IQSEC1: variants seen among roughly 807,000 people sequenced by gnomAD.
The protein encoded by IQSEC1 is IQ motif and SEC7 domain-containing protein 1.
In IQSEC1, 31 loss-of-function variants were observed where a neutral mutation model predicts 91.0. The observed-to-expected ratio is 0.34, with a 90% CI of 0.26 to 0.46. The LOEUF is 0.46. IQSEC1 is among the 20% of genes least tolerant of loss of function. The pLI is 1.00. For synonymous variants in IQSEC1, 699 were observed against 662.6 expected, an observed-to-expected ratio of 1.05 and a Z score of -0.84; for missense variants, 1,388 against 1,575.6, an observed-to-expected ratio of 0.88 and a Z score of 2.02.
At chr3:13,111,383 C>T (rs999937704) in intron 2 of IQSEC1, among the ~76,000 whole-genome samples, 5 of 152,198 alleles carry the variant, frequency 3.3e-5, no homozygotes, top group South Asian at 2.1e-4. Flanking sequence ...TGACAGCCTC[C>T]TGACCCCACC....
At chr3:13,271,875 T>C (rs1006103249) in intron 1 of IQSEC1, among the ~76,000 whole-genome samples, 3 of 152,130 alleles carry the variant, frequency 2.0e-5, no homozygotes, top group Non-Finnish European at 2.9e-5. Context: ...CTTTCAATAA[T>C]AAACAGAGCA....
intron 1 of IQSEC1, among the ~76,000 whole-genome samples, chr3:12,998,530 AATCC>A (rs1157255772): frequency 1.3e-5 from 2 of 152,140 alleles, no homozygotes; most frequent in African/African-American, 4.8e-5. Flanking sequence ...TCTTACCTGT[AATCC>A]CAGCTGCTCA....
At chr3:13,201,613 G>T (rs572243105) in intron 1 of IQSEC1, among the ~76,000 whole-genome samples, 1 of 152,134 alleles carries the variant, frequency 6.6e-6, no homozygotes, top group Non-Finnish European at 1.5e-5. Context: ...CAAAGTGCTG[G>T]GATTATGGGC....
intron 1 of IQSEC1, among the ~76,000 whole-genome samples, chr3:13,057,214 C>T (rs1704910001): frequency 6.6e-6 from 1 of 152,236 alleles, no homozygotes; most frequent in Non-Finnish European, 1.5e-5. Flanking sequence ...TCAGGCACAG[C>T]TCCCCGTGTG....
intron 1 of IQSEC1, among the ~76,000 whole-genome samples, chr3:13,215,835 C>T (rs554476990): frequency 1.1e-4 from 17 of 152,342 alleles, no homozygotes; most frequent in African/African-American, 3.6e-4. Flanking sequence ...GTTTCTCAAA[C>T]GTCTCCTGTT....
chr3:13,183,174 T>TAAATAAAC (rs373008882), intron 1 of IQSEC1, among the ~76,000 whole-genome samples: 93 of 143,696 alleles, frequency 6.5e-4, no homozygotes, highest in African/African-American at 1.6e-3. Flanking sequence ...CACCAATAAA[T>TAAATAAAC]AAACAAACAA....
At chr3:13,128,485 C>A (rs1213370949) in intron 2 of IQSEC1, among the ~76,000 whole-genome samples, 1 of 152,154 alleles carries the variant, frequency 6.6e-6, no homozygotes, top group African/African-American at 2.4e-5. Flanking sequence ...ACTGAACTAG[C>A]CTTGCATGTC....
intron 1 of IQSEC1, among the ~76,000 whole-genome samples, chr3:13,198,970 G>A (rs1451418186): frequency 7.2e-5 from 11 of 152,224 alleles, no homozygotes; most frequent in East Asian, 1.9e-4. Flanking sequence ...GCTGCCGGGC[G>A]AGTGTTTAGC....
chr3:13,059,237 G>A (rs1173794045), intron 1 of IQSEC1, among the ~76,000 whole-genome samples: 1 of 152,116 alleles, frequency 6.6e-6, no homozygotes, highest in Non-Finnish European at 1.5e-5. Flanking sequence ...TCTCGGCAAT[G>A]GCGCTGCCAC....
chr3:12,995,214 G>A (rs1702183739), intron 1 of IQSEC1: 1 of 152,286 alleles, frequency 6.6e-6, no homozygotes, highest in African/African-American at 2.4e-5. Flanking sequence ...GAAGCTGAGC[G>A]AGTGATGTCA....
At chr3:12,910,136 G>A (rs1695427043) in intron 10 of IQSEC1, among the ~76,000 whole-genome samples, 1 of 152,242 alleles carries the variant, frequency 6.6e-6, no homozygotes, top group Admixed American at 6.5e-5. Context: ...TTTTCAGAGA[G>A]GCCCAAAATA....
chr3:13,180,548 AGCCAGCAGTG>A (rs574442895), intron 1 of IQSEC1, among the ~76,000 whole-genome samples: 8 of 152,244 alleles, frequency 5.3e-5, no homozygotes, highest in African/African-American at 1.9e-4. Flanking sequence ...AGGCTGCCCG[AGCCAGCAGTG>A]GCAACCCGCT....
Position 13,073,128 on chromosome 3 carries a change from C to T in IQSEC1, c.-114G>A. The T allele has an allele frequency of 3.1e-6, 4 of 1,286,552 alleles. No individual in the cohort carries two copies. The highest frequency in any genetic ancestry group is 4.4e-6 in the Non-Finnish European group (4 of 916,974). 79.7% of individuals were successfully genotyped at this position (1,286,552 alleles called of 1,614,324 possible). On this transcript the variant is annotated 5_prime_UTR_variant, in exon 1 of 14. Transcript: ENST00000613206. The stretch of plus-strand genomic sequence containing the variant: ...GAAGTGGAGGGGAATAAAATTAAAT[C>T]GCGGGGCGAGTCACATTCCCGGGGG...
intron 1 of IQSEC1, among the ~76,000 whole-genome samples, chr3:13,038,030 CT>C (rs1447560419): frequency 1.3e-5 from 2 of 151,806 alleles, no homozygotes; most frequent in African/African-American, 4.8e-5. Context: ...ACAAGTAAAA[CT>C]TTTAAAAAAG....
chr3:13,121,643 C>T (rs1706424910), intron 2 of IQSEC1, among the ~76,000 whole-genome samples: 1 of 152,218 alleles, frequency 6.6e-6, no homozygotes, highest in African/African-American at 2.4e-5. Context: ...CCTCGGGCAG[C>T]CAGGACCAAG....
Position 12,979,709 on chromosome 3 carries a change from G to A in IQSEC1, c.24-37844C>T, listed in dbSNP as rs1237168524. 6.6e-6 allele frequency among the ~76,000 whole-genome samples: 1 copy of A among 152,106 alleles called. No individual in the cohort carries two copies. Among genetic ancestry groups the A allele is most frequent in the Non-Finnish European group, 1.5e-5 (1 of 68,024 alleles). On this transcript the variant is annotated intron_variant, in intron 1 of 13. Transcript: ENST00000613206. The surrounding 1 kb of genome is among the most constrained non-coding windows in gnomAD (Gnocchi z 4.3). Reference sequence around the variant, plus strand: ...GACATTAAAGGTCTGTCAGCATGCCGACCCTCCTGTCTGATGTCATCAGAA... The same window carrying A: ...GACATTAAAGGTCTGTCAGCATGCCAACCCTCCTGTCTGATGTCATCAGAA...
intron 2 of IQSEC1, among the ~76,000 whole-genome samples, chr3:13,135,844 C>T (rs908581141): frequency 3.3e-5 from 5 of 152,198 alleles, no homozygotes; most frequent in Non-Finnish European, 7.4e-5. Flanking sequence ...GGCCCTATTC[C>T]TCTGCTGCCA....
rs985997492 is a variant in IQSEC1 at position 12,897,276 on chromosome 3, T to G, written c.*3707A>C. 2 of 152,206 alleles carry G rather than the reference T, an allele frequency of 1.3e-5. No individual in the cohort carries two copies. Among genetic ancestry groups the G allele is most frequent in the African/African-American group, 4.8e-5 (2 of 41,452 alleles). The allele number at this position is 152,206 out of a possible 1,614,324, so 9.4% of individuals were successfully genotyped here. A position where few individuals can be genotyped will look rare whatever the true frequency, so the allele number is the denominator to read the frequency against. ...CATGATCACAACCATGGTTTTACATTGATAGAGTCTGTTGCCACTGACAAA... is the reference window on the plus strand; with the variant it reads ...CATGATCACAACCATGGTTTTACATGGATAGAGTCTGTTGCCACTGACAAA... On this transcript the variant is annotated 3_prime_UTR_variant, in exon 14 of 14. Coordinates refer to ENST00000613206, the MANE Select transcript of IQSEC1 (RefSeq NM_001134382.3).
At chr3:13,233,960 C>A (rs946912823) in intron 1 of IQSEC1, among the ~76,000 whole-genome samples, 3 of 152,200 alleles carry the variant, frequency 2.0e-5, no homozygotes, top group Non-Finnish European at 4.4e-5. Context: ...AGACAAGAGG[C>A]CAGGCAGGTG....
Sources: allele counts gnomAD v4.1 joint callset (sites outside exome capture counted in the v4.1 genomes callset), GRCh38; gene constraint gnomAD v4.1.1; non-coding constraint Gnocchi (gnomAD v3.1); transcripts MANE v1.5; gene names NCBI Gene and HGNC (gene_info 2026-07-23, HGNC 2026-07-21).